PTPRC: variants seen among roughly 807,000 people sequenced by gnomAD.
PTPRC encodes the protein protein tyrosine phosphatase receptor type C, also known as receptor-type tyrosine-protein phosphatase C.
In PTPRC, 44 loss-of-function variants were observed where a neutral mutation model predicts 155.9. The observed-to-expected ratio is 0.28, with a 90% CI of 0.22 to 0.36. The LOEUF (loss-of-function observed/expected upper bound fraction) is 0.36, where lower values mean the gene tolerates loss of function less well. Among genes scored for constraint, PTPRC ranks in the 10% least tolerant of loss-of-function variants. The pLI is 1.00. For missense variants in PTPRC, 1,401 were observed against 1,564.6 expected, an observed-to-expected ratio of 0.90 and a Z score of 1.76; for synonymous variants, 525 against 533.1, an observed-to-expected ratio of 0.98 and a Z score of 0.21.
intron 2 of PTPRC, among the ~76,000 whole-genome samples, chr1:198,652,729 G>A (rs1663322546): frequency 6.6e-6 from 1 of 151,748 alleles, no homozygotes; most frequent in African/African-American, 2.4e-5. Flanking sequence ...AGTCCATCCA[G>A]AGGCTCAAGG....
chr1:198,748,921 T>A (rs1655255725), intron 27 of PTPRC, among the ~76,000 whole-genome samples: 1 of 151,656 alleles, frequency 6.6e-6, no homozygotes, highest in Admixed American at 6.6e-5. Flanking sequence ...ATCAAATCAT[T>A]TGACCAAGTT....
intron 11 of PTPRC, among the ~76,000 whole-genome samples, chr1:198,710,803 A>G (rs576840786): frequency 6.6e-6 from 1 of 152,210 alleles, no homozygotes; most frequent in Non-Finnish European, 1.5e-5. Context: ...TTTGTTTATT[A>G]ATGATAATAT....
chr1:198,708,323 T>C, intron 10 of PTPRC, 62 bp downstream of exon 10: 4 of 1,500,920 alleles, frequency 2.7e-6, no homozygotes, highest in Non-Finnish European at 3.7e-6. Context: ...CTAGATATTA[T>C]TTAATCTTAC....
At chr1:198,747,405 A>G (rs1196529563) in intron 26 of PTPRC, among the ~76,000 whole-genome samples, 1 of 151,818 alleles carries the variant, frequency 6.6e-6, no homozygotes, top group Admixed American at 6.6e-5. Flanking sequence ...AAGACTTTTT[A>G]TGCTATTTTG....
intron 26 of PTPRC, among the ~76,000 whole-genome samples, chr1:198,746,479 A>T (rs948524069): frequency 5.9e-5 from 9 of 151,444 alleles, no homozygotes; most frequent in Non-Finnish European, 1.3e-4. Flanking sequence ...GAAAAAAAAA[A>T]GGGTGAAGTG....
chr1:198,752,077 A>G (rs1039801596), intron 29 of PTPRC, among the ~76,000 whole-genome samples, 172 bp from the exon 30 acceptor site: 3 of 152,080 alleles, frequency 2.0e-5, no homozygotes, highest in African/African-American at 7.2e-5. Flanking sequence ...ATGGGTCGCC[A>G]GCACTTAAAT....
chr1:198,660,726 T>C (rs957573762), intron 2 of PTPRC: 2 of 152,166 alleles, frequency 1.3e-5, no homozygotes, highest in Non-Finnish European at 2.9e-5. Flanking sequence ...CATTCCATTA[T>C]GAAATCTAAG....
At chr1:198,690,785 G>A (rs1187444843) in intron 2 of PTPRC, among the ~76,000 whole-genome samples, 2 of 152,072 alleles carry the variant, frequency 1.3e-5, no homozygotes, top group Non-Finnish European at 2.9e-5. Flanking sequence ...TGAGTTTACA[G>A]TCATTTGGAA....
intron 15 of PTPRC, among the ~76,000 whole-genome samples, chr1:198,725,296 A>C (rs529507326): frequency 1.3e-5 from 2 of 152,050 alleles, no homozygotes; most frequent in East Asian, 3.8e-4. Context: ...CTTGGTTCTT[A>C]TTGGTAGTCT....
chr1:198,745,568 GA>G (rs1204646266), intron 26 of PTPRC, among the ~76,000 whole-genome samples: 1 of 151,816 alleles, frequency 6.6e-6, no homozygotes, highest in Non-Finnish European at 1.5e-5. Context: ...TCCCTAGGCA[GA>G]GGCAGTAAGA....
intron 23 of PTPRC, among the ~76,000 whole-genome samples, chr1:198,740,507 G>A (rs1654849779): frequency 6.6e-6 from 1 of 151,808 alleles, no homozygotes; most frequent in Non-Finnish European, 1.5e-5. Flanking sequence ...ACTTGAACCT[G>A]GGAAGCCGAG....
intron 4 of PTPRC, 65 bp from the exon 5 acceptor site, chr1:198,699,499 T>A: frequency 6.3e-7 from 1 of 1,587,056 alleles, no homozygotes; most frequent in Middle Eastern, 1.8e-4. Context: ...CCTTATAACC[T>A]CTTAGTAAAT....
intron 2 of PTPRC, among the ~76,000 whole-genome samples, chr1:198,681,361 T>A (rs1421781330): frequency 1.3e-5 from 2 of 152,216 alleles, no homozygotes; most frequent in African/African-American, 4.8e-5. Context: ...TACACATGTC[T>A]GTTTTTTCAG....
chr1:198,728,351 G>T lies in PTPRC; in HGVS notation c.1732G>T (p.Ala578Ser), dbSNP rs1301167651. The T allele has an allele frequency of 1.2e-6, 2 of 1,612,132 alleles. No homozygotes were observed. Among genetic ancestry groups the T allele is most frequent in the East Asian group, 2.2e-5 (1 of 44,718 alleles). The stretch of plus-strand genomic sequence containing the variant: ...TTTTTCATTTCTAGATAATTCTAAG[G>T]CACTGATAGCATTTCTGGCATTTCT... ...LHHSTSYNSK[A>S]LIAFLAFLII... The change falls in exon 16 of 33, where the codon GCA (alanine) becomes TCA (serine). Residue 578 changes from alanine (A) to serine (S), a missense_variant. Physicochemically the swap from Ala to Ser is moderately conservative, Grantham distance 99. This residue lies in a region of PTPRC where 867 missense variants were observed against 970.4 expected (regional missense o/e 0.89). Coordinates refer to ENST00000442510, the MANE Select transcript of PTPRC (RefSeq NM_002838.5).
chr1:198,706,794 C>T lies in PTPRC; in HGVS notation c.746C>T (p.Thr249Ile), dbSNP rs1652999168. ...TATAACAAGGAAACTAAATTATTTACAGCAAAGCTAAATGTTAATGAGAAT... is the reference window on the plus strand; with the variant it reads ...TATAACAAGGAAACTAAATTATTTATAGCAAAGCTAAATGTTAATGAGAAT... ...YLYNKETKLFTAKLNVNENVE... is the reference protein window; with the variant it reads ...YLYNKETKLFIAKLNVNENVE... The change falls in exon 9 of 33, where the codon ACA becomes ATA. Residue 249 changes from threonine to isoleucine, a missense_variant. Thr to Ile is a moderately conservative substitution (Grantham distance 89, BLOSUM62 -1). Coordinates refer to ENST00000442510, the MANE Select transcript of PTPRC (RefSeq NM_002838.5). 2 of 1,612,688 alleles carry T rather than the reference C, an allele frequency of 1.2e-6. No individual in the cohort carries two copies. Among genetic ancestry groups the T allele is most frequent in the Admixed American group, 3.3e-5 (2 of 59,994 alleles).
intron 2 of PTPRC, among the ~76,000 whole-genome samples, chr1:198,660,090 T>G (rs1294530265): frequency 1.4e-5 from 2 of 138,946 alleles, no homozygotes; most frequent in Non-Finnish European, 3.1e-5. Flanking sequence ...TGATATAGTG[T>G]CCTAGACCTG....
At chr1:198,726,920 T>C (rs768380986) in intron 15 of PTPRC, among the ~76,000 whole-genome samples, 36 of 151,224 alleles carry the variant, frequency 2.4e-4, no homozygotes, top group African/African-American at 3.2e-4. Flanking sequence ...TGGAGTACAG[T>C]GGTGCAATCT....
chr1:198,649,012 A>G (rs149559275), intron 2 of PTPRC, among the ~76,000 whole-genome samples: 186 of 152,002 alleles, frequency 1.2e-3, no homozygotes, highest in African/African-American at 4.4e-3. Flanking sequence ...TATTCCAGGA[A>G]GTGTAGACAC....
In PTPRC at chr1:198,724,897, G is replaced by A. The variant is rs187836138; in HGVS notation, c.1720+2421G>A. ...GCTCACTGCAACTTCTGCCTCCTGG[G>A]TTCAAGTGATTCTCCTGCTTCAGCT... On this transcript the variant is annotated intron_variant, in intron 15 of 32. Transcript: ENST00000442510. 3.0e-3 allele frequency among the ~76,000 whole-genome samples: 450 copies of A among 152,226 alleles called. 4 individuals are homozygous for A. The highest frequency in any genetic ancestry group is 9.9e-3 in the African/African-American group (413 of 41,516).
Sources: allele counts gnomAD v4.1 joint callset (sites outside exome capture counted in the v4.1 genomes callset), GRCh38; gene constraint gnomAD v4.1.1; regional missense constraint gnomAD v4.1.1; transcripts MANE v1.5; gene names NCBI Gene and HGNC (gene_info 2026-07-23, HGNC 2026-07-21).